Variants in RMP24 observed in about 807,000 individuals in gnomAD.
RMP24 encodes ribonuclease MRP subunit p24, also known as ribonuclease MRP protein subunit p24.
chr18:35,973,181 C>T, the RMP24 span: 1 of 572,574 alleles, frequency 1.7e-6, no homozygotes, highest in Non-Finnish European at 3.1e-6. Flanking sequence ...TTTATTACTT[C>T]TCGATTTGCT....
At chr18:35,973,051 G>GA in the RMP24 span, 1 of 1,099,474 alleles carries the variant, frequency 9.1e-7, no homozygotes. Context: ...TCGGTTTCGT[G>GA]AAAAATCCAA....
chr18:35,973,124 T>C, the RMP24 span: 7 of 634,058 alleles, frequency 1.1e-5, no homozygotes, highest in African/African-American at 3.7e-5. Context: ...AGTCTTGAAA[T>C]AGTTTCCTCC....
chr18:35,977,389 T>TA, the RMP24 span: 1 of 1,594,258 alleles, frequency 6.3e-7, no homozygotes. Flanking sequence ...ACGGGACTGA[T>TA]ATTTCTTATT....
At chr18:35,976,463 G>T in the RMP24 span, among the ~76,000 whole-genome samples, 8 of 152,094 alleles carry the variant, frequency 5.3e-5, no homozygotes, top group Non-Finnish European at 1.0e-4. Context: ...ATTTGCCGAG[G>T]CATGGGCTGA....
the RMP24 span, among the ~76,000 whole-genome samples, chr18:35,975,318 A>T: frequency 6.6e-6 from 1 of 152,184 alleles, no homozygotes; most frequent in Admixed American, 6.5e-5. Context: ...TGAGCTCTCA[A>T]TTGTTTTGAG....
chr18:35,978,590 G>A, the RMP24 span, among the ~76,000 whole-genome samples: 5 of 152,144 alleles, frequency 3.3e-5, no homozygotes, highest in South Asian at 4.2e-4. Context: ...CAGCCTGGGC[G>A]ACAGAGCGAG....
chr18:35,977,080 C>T, the RMP24 span, among the ~76,000 whole-genome samples: 1 of 152,054 alleles, frequency 6.6e-6, no homozygotes, highest in African/African-American at 2.4e-5. Context: ...ACAGAATTAG[C>T]CAGGCACAGT....
At chr18:35,974,854 T>C in the RMP24 span, 1 of 1,553,962 alleles carries the variant, frequency 6.4e-7, no homozygotes, top group Non-Finnish European at 8.8e-7. Flanking sequence ...TAACAAAATA[T>C]TCTGATTTGC....
the RMP24 span, chr18:35,977,350 G>T: frequency 6.7e-7 from 1 of 1,486,962 alleles, no homozygotes. Flanking sequence ...TGAACCTGTG[G>T]TTTATGGGGT....
the RMP24 span, chr18:35,978,985 G>T: frequency 1.3e-6 from 2 of 1,599,016 alleles, no homozygotes; most frequent in Non-Finnish European, 1.7e-6. Flanking sequence ...TATCTTCTCT[G>T]AAGGGTGGAC....
At chr18:35,978,850 ACAGT>A in the RMP24 span, 1 of 1,598,990 alleles carries the variant, frequency 6.3e-7, no homozygotes, top group East Asian at 2.2e-5. Context: ...CTACATCTGG[ACAGT>A]CAGTATCTAC....
the RMP24 span, chr18:35,972,872 T>C: frequency 6.2e-7 from 1 of 1,614,110 alleles, no homozygotes; most frequent in Non-Finnish European, 8.5e-7. Context: ...ACAAGTCTCT[T>C]TCTCTTTTAC....
chr18:35,972,950 C>G, the RMP24 span: 12 of 1,612,156 alleles, frequency 7.4e-6, no homozygotes, highest in Admixed American at 2.0e-4. Context: ...CTCTTGTCGC[C>G]CCGCTTTCCT....
chr18:35,973,766 CAAA>C, the RMP24 span: 1 of 152,024 alleles, frequency 6.6e-6, no homozygotes, highest in African/African-American at 2.4e-5. Context: ...ACTAAAAATA[CAAA>C]AAAATTACCT....
the RMP24 span, among the ~76,000 whole-genome samples, chr18:35,978,281 C>T: frequency 6.6e-6 from 1 of 152,226 alleles, no homozygotes; most frequent in African/African-American, 2.4e-5. Flanking sequence ...ACCAGTCTGT[C>T]TGCCTGTCTT....
chr18:35,973,339 T>A, the RMP24 span: 1 of 238,996 alleles, frequency 4.2e-6, no homozygotes, highest in Non-Finnish European at 8.5e-6. Flanking sequence ...ACTGAGGACT[T>A]ACAAATGTAT....
the RMP24 span, chr18:35,977,396 T>G: frequency 4.4e-6 from 7 of 1,598,192 alleles, no homozygotes; most frequent in Non-Finnish European, 6.0e-6. Context: ...TGATATTTCT[T>G]ATTTTTATGG....
the RMP24 span, chr18:35,974,802 T>C: frequency 8.4e-7 from 1 of 1,190,724 alleles, no homozygotes; most frequent in Non-Finnish European, 1.2e-6. Flanking sequence ...TCTGCTTATA[T>C]TAAATTTCAA....
chr18:35,972,931 T>C, the RMP24 span: 16 of 1,614,022 alleles, frequency 9.9e-6, no homozygotes, highest in Non-Finnish European at 1.2e-5. Flanking sequence ...CTGTCTCTTG[T>C]GCTTTGGGCT....
Sources: allele counts gnomAD v4.1 joint callset (sites outside exome capture counted in the v4.1 genomes callset), GRCh38; gene constraint gnomAD v4.1.1; transcripts MANE v1.5; gene names NCBI Gene and HGNC (gene_info 2026-07-23, HGNC 2026-07-21).